The following EPB41L2 variants were observed in gnomAD, a reference collection of about 807,000 sequenced individuals.
EPB41L2 encodes band 4.1-like protein 2.
A neutral mutation model predicts 113.0 loss-of-function variants in EPB41L2; 43 were observed. The ratio of observed to expected loss-of-function variants is 0.38; its 90% CI spans 0.30 to 0.49. The LOEUF is 0.49. EPB41L2 is among the 20% of genes least tolerant of loss of function. The pLI, the probability that EPB41L2 is intolerant of heterozygous loss-of-function variation, is 0.95. For synonymous variants in EPB41L2, 442 were observed against 436.7 expected, an observed-to-expected ratio of 1.01 and a Z score of -0.15; for missense variants, 1,147 against 1,223.4, an observed-to-expected ratio of 0.94 and a Z score of 0.93.
chr6:130,914,034 C>A (rs1272703993), intron 4 of EPB41L2, among the ~76,000 whole-genome samples: 1 of 152,150 alleles, frequency 6.6e-6, no homozygotes, highest in Non-Finnish European at 1.5e-5. Flanking sequence ...CATATATAAA[C>A]CGTGGAATCA....
At position 130,934,222 on chromosome 6, in the gene EPB41L2, T is replaced by G. The variant is rs138382488; in HGVS notation, c.706-7513A>C. ...TAAGGGAGCTGTCAACACATCTCTT[T>G]CCCAAAGTTCATTCAAACCCCAGGA... On this transcript the variant is annotated intron_variant, in intron 3 of 19. Transcript: ENST00000337057. Among the ~76,000 whole-genome samples the G allele has an allele frequency of 3.3e-5, 5 of 152,242 alleles. No homozygotes were observed. The East Asian group carries it at 9.7e-4, about 29-fold the overall frequency.
chr6:130,948,958 T>C (rs1312458216), intron 3 of EPB41L2, among the ~76,000 whole-genome samples: 2 of 152,176 alleles, frequency 1.3e-5, no homozygotes, highest in Non-Finnish European at 2.9e-5. Context: ...CACACCTCTC[T>C]TATTAACTGA....
intron 1 of EPB41L2, among the ~76,000 whole-genome samples, chr6:130,985,298 G>A (rs530160479): frequency 2.0e-5 from 3 of 152,134 alleles, no homozygotes; most frequent in Non-Finnish European, 2.9e-5. Context: ...CCACATTTGG[G>A]GGGGGACTTT....
At chr6:130,908,071 A>G (rs1243410579) in intron 5 of EPB41L2, among the ~76,000 whole-genome samples, 1 of 152,138 alleles carries the variant, frequency 6.6e-6, no homozygotes, top group African/African-American at 2.4e-5. Flanking sequence ...AAGTATCCAG[A>G]TCCCCTAACA....
chr6:130,890,484 A>C lies in EPB41L2; in HGVS notation c.1488-18T>G. 6.3e-7 allele frequency: 1 copy of C among 1,577,316 alleles called. No individual in the cohort carries two copies. The highest frequency in any genetic ancestry group is 2.2e-5 in the East Asian group (1 of 44,692). Reference sequence around the variant, plus strand: ...AAACAAGCCTATGGGAGGAAAAAAAAAAAAAAAGAGAGAGAGAAAGGGGAA... The same window carrying C: ...AAACAAGCCTATGGGAGGAAAAAAACAAAAAAAGAGAGAGAGAAAGGGGAA... On this transcript the variant is annotated intron_variant, in intron 10 of 19. Transcript: ENST00000337057.
intron 19 of EPB41L2, 51 bp from the exon 20 acceptor site, chr6:130,840,649 A>G (rs552307451): frequency 8.8e-4 from 133 of 151,894 alleles, no homozygotes; most frequent in African/African-American, 3.2e-3. Context: ...TTCCAAAAAC[A>G]CAGGCTTGAA....
At chr6:131,063,108 C>G (rs1393751537) in intron 1 of EPB41L2, 47 bp downstream of exon 1, 2 of 153,132 alleles carry the variant, frequency 1.3e-5, no homozygotes, top group Admixed American at 1.3e-4. Context: ...ACTGACCAGT[C>G]GCCCGGCCCG....
At chr6:131,053,339 C>T (rs572449781) in intron 1 of EPB41L2, among the ~76,000 whole-genome samples, 155 of 148,498 alleles carry the variant, frequency 1.0e-3, no homozygotes, top group African/African-American at 9.7e-4. Context: ...CAGACTGTCA[C>T]GGTTACTACT....
At chr6:130,879,447 T>C (rs1322865711) in intron 13 of EPB41L2, among the ~76,000 whole-genome samples, 4 of 152,164 alleles carry the variant, frequency 2.6e-5, no homozygotes, top group African/African-American at 7.2e-5. Context: ...GTCAGATTAC[T>C]GAGAGCTGCA....
At chr6:131,051,518 A>G (rs1022082214) in intron 1 of EPB41L2, among the ~76,000 whole-genome samples, 1 of 151,660 alleles carries the variant, frequency 6.6e-6, no homozygotes, top group South Asian at 2.1e-4. Flanking sequence ...AGGCCAGCAG[A>G]TATGTCAACA....
intron 3 of EPB41L2, among the ~76,000 whole-genome samples, chr6:130,933,883 C>T (rs913563493): frequency 2.6e-5 from 4 of 152,242 alleles, no homozygotes; most frequent in South Asian, 2.1e-4. Context: ...ACACCACTGG[C>T]GTTTTATAAA....
At chr6:130,864,681 C>T (rs1443798591) in intron 17 of EPB41L2, among the ~76,000 whole-genome samples, 1 of 152,216 alleles carries the variant, frequency 6.6e-6, no homozygotes, top group Non-Finnish European at 1.5e-5. Context: ...CCATAACAAA[C>T]CAGGCTTATC....
At chr6:130,840,797 T>C (rs1017545000) in intron 19 of EPB41L2, among the ~76,000 whole-genome samples, 199 bp from the exon 20 acceptor site, 9 of 152,142 alleles carry the variant, frequency 5.9e-5, no homozygotes, top group African/African-American at 2.2e-4. Flanking sequence ...TTAAAATACC[T>C]GGAGAATTGA....
At chr6:131,028,949 G>A (rs1370208587) in intron 1 of EPB41L2, among the ~76,000 whole-genome samples, 1 of 152,034 alleles carries the variant, frequency 6.6e-6, no homozygotes, top group African/African-American at 2.4e-5. Flanking sequence ...TTTTTGAATA[G>A]CCAGATTACT....
At chr6:130,924,827 G>T (rs1304013536) in intron 4 of EPB41L2, among the ~76,000 whole-genome samples, 1 of 152,118 alleles carries the variant, frequency 6.6e-6, no homozygotes, top group Non-Finnish European at 1.5e-5. Flanking sequence ...CATGAGAGTG[G>T]AGATCCTTAT....
At chr6:131,026,267 T>C (rs1369312118) in intron 1 of EPB41L2, among the ~76,000 whole-genome samples, 1 of 152,208 alleles carries the variant, frequency 6.6e-6, no homozygotes, top group South Asian at 2.1e-4. Flanking sequence ...AGCTTTATCA[T>C]TATAACCAAC....
At position 130,952,769 on chromosome 6, in the gene EPB41L2, C is replaced by G. The variant is rs1354684379; in HGVS notation, c.705+2336G>C. Among the ~76,000 whole-genome samples, 4 of 151,114 alleles carry G rather than the reference C, an allele frequency of 2.6e-5. No individual in the cohort carries two copies. In the South Asian group the frequency reaches 8.4e-4, roughly 32 times the overall value. On this transcript the variant is annotated intron_variant, in intron 3 of 19. Transcript: ENST00000337057. ...AGGATGCAGTGAGCCGAGATCGTGC[C>G]ACTGCACTCCAGCCTGGGCCACAGA...
chr6:130,962,604 T>C (rs1394782399), intron 1 of EPB41L2, among the ~76,000 whole-genome samples: 1 of 152,210 alleles, frequency 6.6e-6, no homozygotes, highest in Non-Finnish European at 1.5e-5. Flanking sequence ...ATAAGGGACC[T>C]ATTAGACAGA....
At chr6:130,890,978 T>A (rs1792650549) in intron 10 of EPB41L2, among the ~76,000 whole-genome samples, 1 of 152,218 alleles carries the variant, frequency 6.6e-6, no homozygotes, top group African/African-American at 2.4e-5. Flanking sequence ...CCAGCACAAT[T>A]CTACTGCTTA....
Sources: allele counts gnomAD v4.1 joint callset (sites outside exome capture counted in the v4.1 genomes callset), GRCh38; gene constraint gnomAD v4.1.1; transcripts MANE v1.5; gene names NCBI Gene and HGNC (gene_info 2026-07-23, HGNC 2026-07-21).